The following MITF variants were observed in gnomAD, a reference collection of about 807,000 sequenced individuals.
The protein encoded by MITF is melanocyte inducing transcription factor, also known as microphthalmia-associated transcription factor.
MITF carries 17 observed loss-of-function variants against 60.5 expected under a neutral mutation model. The observed-to-expected ratio is 0.28, with a 90% confidence interval of 0.19 to 0.42. MITF has a LOEUF of 0.42. MITF is among the 10% of genes least tolerant of loss of function. The probability of loss-of-function intolerance (pLI) is 1.00; values close to 1 mark genes in which losing one functional copy is unlikely to be tolerated. For synonymous variants in MITF, 260 were observed against 248.5 expected (o/e 1.05, Z -0.43); for missense variants, 622 against 683.5 (o/e 0.91, Z 1.00).
At chr3:69,929,168 G>A (rs1458510888) in intron 2 of MITF, among the ~76,000 whole-genome samples, 58 of 152,180 alleles carry the variant, frequency 3.8e-4, no homozygotes, top group Admixed American at 3.3e-3. Flanking sequence ...CTTGTTCTTC[G>A]GTTCTGCCCC....
chr3:69,895,492 C>T (rs1343724183), intron 2 of MITF, among the ~76,000 whole-genome samples: 2 of 151,900 alleles, frequency 1.3e-5, no homozygotes, highest in African/African-American at 4.9e-5. Flanking sequence ...TAAACTGCCA[C>T]GAGTTTATTT....
chr3:69,892,900 G>A lies in MITF; in HGVS notation c.354+13517G>A, dbSNP rs541015662. Among the ~76,000 whole-genome samples the A allele has an allele frequency of 7.9e-5, 12 of 152,082 alleles. No homozygotes were observed. In the South Asian group the frequency reaches 2.5e-3, roughly 32 times the overall value. On this transcript the variant is annotated intron_variant, in intron 2 of 9. Coordinates refer to ENST00000352241, the MANE Select transcript of MITF (RefSeq NM_001354604.2). ...TTCTTCCTTTCTCCTTTCTTTTTTT[G>A]TATTGGTTTTCTGCCTGAAGGCAGT...
In MITF at chr3:69,943,058, T is replaced by G. The variant is rs535441580; in HGVS notation, c.762+1727T>G. 4.6e-5 allele frequency among the ~76,000 whole-genome samples: 7 copies of G among 151,358 alleles called. No individual in the cohort carries two copies. The South Asian group carries it at 1.0e-3, about 23-fold the overall frequency. ...TCATTTGGTCTAACCTAGTACTCAA[T>G]GCATTAGCCTCCTCTTTTTTTTTTT... On this transcript the variant is annotated intron_variant, in intron 5 of 9. Transcript: ENST00000352241.
At chr3:69,956,306 C>T (rs1317535400) in intron 7 of MITF, 149 bp from the exon 8 acceptor site, 1 of 704,748 alleles carries the variant, frequency 1.4e-6, no homozygotes, top group African/African-American at 1.8e-5. Flanking sequence ...ACTGCAATAC[C>T]AAGAACATAG....
At chr3:69,772,304 T>G (rs1261112063) in intron 1 of MITF, among the ~76,000 whole-genome samples, 1 of 152,212 alleles carries the variant, frequency 6.6e-6, no homozygotes, top group Non-Finnish European at 1.5e-5. Context: ...AAGTTATAAT[T>G]GAAGCTTCAT....
intron 2 of MITF, among the ~76,000 whole-genome samples, chr3:69,890,192 G>A (rs1382479085): frequency 6.6e-6 from 1 of 152,050 alleles, no homozygotes; most frequent in Non-Finnish European, 1.5e-5. Flanking sequence ...TCTTATGTAT[G>A]GTTGATATTT....
chr3:69,780,024 C>T (rs571806732), intron 1 of MITF, among the ~76,000 whole-genome samples: 1 of 152,070 alleles, frequency 6.6e-6, no homozygotes, highest in Non-Finnish European at 1.5e-5. Context: ...GGATATTTGG[C>T]AATATGGGGC....
At chr3:69,766,142 C>T (rs913955016) in intron 1 of MITF, among the ~76,000 whole-genome samples, 5 of 151,996 alleles carry the variant, frequency 3.3e-5, no homozygotes, top group African/African-American at 1.2e-4. Flanking sequence ...TGTAATTTAA[C>T]TGGAGTATGC....
At chr3:69,789,913 G>GTA (rs139296854) in intron 1 of MITF, among the ~76,000 whole-genome samples, 1,724 of 148,374 alleles carry the variant, frequency 0.012, 13 homozygotes, top group African/African-American at 0.022. Context: ...TTGTGTGCAT[G>GTA]TATATATATA....
In MITF at chr3:69,965,780, G is replaced by A. The variant is rs542047049; in HGVS notation, c.*532G>A. ...TCTAGCTTTGTTTAGTCTTTATACT[G>A]CAAACTATTTAAAGAAATATGTATT... On this transcript the variant is annotated 3_prime_UTR_variant, in exon 10 of 10. Coordinates refer to ENST00000352241, the MANE Select transcript of MITF (RefSeq NM_001354604.2). The A allele has an allele frequency of 2.6e-5, 6 of 229,602 alleles. No individual in the cohort carries two copies. The highest frequency in any genetic ancestry group is 5.1e-5 in the Non-Finnish European group (6 of 116,568). 14.2% of individuals were successfully genotyped at this position (229,602 alleles called of 1,614,324 possible).
intron 1 of MITF, among the ~76,000 whole-genome samples, chr3:69,750,471 CTTTT>C (rs199909971): frequency 8.1e-6 from 1 of 123,856 alleles, no homozygotes; most frequent in Non-Finnish European, 1.7e-5. Context: ...AGTGACACTC[CTTTT>C]TTTTTTTTTT....
intron 1 of MITF, among the ~76,000 whole-genome samples, chr3:69,808,389 C>T (rs2063045203): frequency 6.6e-6 from 1 of 152,050 alleles, no homozygotes; most frequent in Non-Finnish European, 1.5e-5. Flanking sequence ...TGAATGGTCA[C>T]TGTAATTAAA....
At chr3:69,884,030 A>G (rs1464071102) in intron 2 of MITF, among the ~76,000 whole-genome samples, 2 of 152,198 alleles carry the variant, frequency 1.3e-5, no homozygotes, top group African/African-American at 4.8e-5. Flanking sequence ...TCATTCTCCC[A>G]GAAACCTCAT....
chr3:69,866,511 G>A (rs2064118190), intron 1 of MITF, among the ~76,000 whole-genome samples: 1 of 140,476 alleles, frequency 7.1e-6, no homozygotes. Flanking sequence ...GTAACCTCTG[G>A]TAGGTGGCTA....
intron 6 of MITF, among the ~76,000 whole-genome samples, chr3:69,950,425 A>C (rs1005258948): frequency 6.7e-6 from 1 of 148,798 alleles, no homozygotes; most frequent in Non-Finnish European, 1.5e-5. Flanking sequence ...GACCATCACA[A>C]CTGAAAGAAT....
intron 1 of MITF, among the ~76,000 whole-genome samples, chr3:69,842,074 G>A (rs1182539431): frequency 6.6e-6 from 1 of 152,160 alleles, no homozygotes; most frequent in Non-Finnish European, 1.5e-5. Context: ...GAAGTGAGCG[G>A]TGTCCTCTGT....
intron 1 of MITF, among the ~76,000 whole-genome samples, chr3:69,871,961 T>G (rs1343166408): frequency 6.6e-6 from 1 of 152,216 alleles, no homozygotes; most frequent in Non-Finnish European, 1.5e-5. Flanking sequence ...TCAAAGCCCT[T>G]TAAAACATGG....
intron 1 of MITF, among the ~76,000 whole-genome samples, chr3:69,828,945 AGTGT>A (rs3044611): frequency 0.024 from 3,667 of 150,032 alleles, 148 homozygotes; most frequent in African/African-American, 0.084. Flanking sequence ...ATATCGTGTG[AGTGT>A]GTGTGTGTGT....
At position 69,965,010 on chromosome 3, in the gene MITF, T is replaced by G. The variant is rs1425564214; in HGVS notation, c.1343T>G (p.Leu448Arg). The G allele has an allele frequency of 6.2e-7, 1 of 1,614,012 alleles. No individual in the cohort carries two copies. The highest frequency in any genetic ancestry group is 1.3e-5 in the African/African-American group (1 of 74,978). Residue 448 changes from leucine to arginine, a missense_variant, in exon 10 of 10, where the codon CTC becomes CGC. By Grantham distance (102) the Leu-to-Arg change is moderately radical. Around this residue, in one of 5 missense-constraint regions of MITF, gnomAD observed 224 missense variants for 209.5 expected, o/e 1.07. Transcript: ENST00000352241. Reference protein sequence around the residue: ...HHADLTCTTTLDLTDGTITFN... With the variant: ...HHADLTCTTTRDLTDGTITFN... ...GCAGACCTAACCTGTACAACAACTC[T>G]CGATCTCACGGATGGCACCATCACC...
Sources: allele counts gnomAD v4.1 joint callset (sites outside exome capture counted in the v4.1 genomes callset), GRCh38; gene constraint gnomAD v4.1.1; regional missense constraint gnomAD v4.1.1; transcripts MANE v1.5; gene names NCBI Gene and HGNC (gene_info 2026-07-23, HGNC 2026-07-21).